The following PTPRD variants were observed in gnomAD, a reference collection of about 807,000 sequenced individuals.
PTPRD encodes the protein protein tyrosine phosphatase receptor type D.
Under a neutral mutation model 214.5 loss-of-function variants are expected in PTPRD, and 34 were observed. The ratio of observed to expected loss-of-function variants is 0.16; its 90% CI spans 0.12 to 0.21. PTPRD has a LOEUF of 0.21. Among genes scored for constraint, PTPRD ranks in the 10% least tolerant of loss-of-function variants. The pLI is 1.00. For missense variants in PTPRD, 2,545 were observed against 2,398.7 expected, an observed-to-expected ratio of 1.06 and a Z score of -1.27; for synonymous variants, 1,128 against 845.7, an observed-to-expected ratio of 1.33 and a Z score of -5.79.
intron 11 of PTPRD, among the ~76,000 whole-genome samples, chr9:8,969,079 A>G (rs901398700): frequency 3.9e-5 from 6 of 152,052 alleles, no homozygotes; most frequent in African/African-American, 1.4e-4. Context: ...AAACAAAAGG[A>G]ACCACTCCTC....
intron 11 of PTPRD, among the ~76,000 whole-genome samples, chr9:8,815,174 A>G (rs1218251506): frequency 1.3e-5 from 2 of 152,074 alleles, no homozygotes; most frequent in African/African-American, 4.8e-5. Flanking sequence ...AAATGTGGAA[A>G]GAAGATATAG....
intron 13 of PTPRD, 80 bp from the exon 14 acceptor site, chr9:8,633,538 A>T: frequency 6.7e-7 from 1 of 1,494,500 alleles, no homozygotes; most frequent in Non-Finnish European, 9.1e-7. Context: ...ACAGTGGTGG[A>T]TCCGCCATTA....
intron 11 of PTPRD, among the ~76,000 whole-genome samples, chr9:8,894,165 C>T (rs2098577575): frequency 6.6e-6 from 1 of 151,836 alleles, no homozygotes; most frequent in South Asian, 2.1e-4. Flanking sequence ...ACTAGCCTGG[C>T]TAATGTGGTA....
At chr9:10,525,337 T>A (rs1043830473) in intron 2 of PTPRD, among the ~76,000 whole-genome samples, 1 of 152,032 alleles carries the variant, frequency 6.6e-6, no homozygotes, top group East Asian at 1.9e-4. Flanking sequence ...GATGCCACAA[T>A]GCAAAGAATG....
At chr9:8,563,929 G>C (rs1211935146) in intron 14 of PTPRD, among the ~76,000 whole-genome samples, 1 of 152,210 alleles carries the variant, frequency 6.6e-6, no homozygotes, top group East Asian at 1.9e-4. Context: ...GCCTCCCAAA[G>C]TGCTGGGATT....
chr9:9,864,551 C>G (rs938478692), intron 5 of PTPRD, among the ~76,000 whole-genome samples: 4 of 152,100 alleles, frequency 2.6e-5, no homozygotes, highest in Non-Finnish European at 4.4e-5. Context: ...CACGGTCTCA[C>G]TCTGTTACCC....
intron 9 of PTPRD, among the ~76,000 whole-genome samples, chr9:9,290,906 AGATTATATCATTAAAT>A (rs1950950322): frequency 6.6e-6 from 1 of 151,450 alleles, no homozygotes; most frequent in African/African-American, 2.4e-5. Flanking sequence ...GCTATCAGTG[AGATTATATCATTAAAT>A]TTTAAAATAT....
intron 14 of PTPRD, among the ~76,000 whole-genome samples, chr9:8,530,106 C>T (rs1057252439): frequency 1.6e-4 from 25 of 152,148 alleles, no homozygotes; most frequent in African/African-American, 6.0e-4. Flanking sequence ...TCCATGAATT[C>T]ACAGTTGATG....
chr9:10,133,282 CAGAA>C (rs1337680523), intron 3 of PTPRD, among the ~76,000 whole-genome samples: 1 of 151,984 alleles, frequency 6.6e-6, no homozygotes, highest in Non-Finnish European at 1.5e-5. Context: ...AAGCAAATGT[CAGAA>C]AGAAAATAAA....
intron 7 of PTPRD, among the ~76,000 whole-genome samples, chr9:9,659,241 C>T (rs1344793873): frequency 1.3e-5 from 2 of 151,984 alleles, no homozygotes; most frequent in African/African-American, 4.8e-5. Context: ...AAAAATTTTA[C>T]ATATGTGTAG....
At chr9:10,182,860 A>G (rs557797249) in intron 3 of PTPRD, among the ~76,000 whole-genome samples, 1 of 152,246 alleles carries the variant, frequency 6.6e-6, no homozygotes, top group South Asian at 2.1e-4. Context: ...TTCCATTCCT[A>G]CAGGCTCTTA....
chr9:10,194,256 C>G (rs2099386892), intron 3 of PTPRD, among the ~76,000 whole-genome samples: 1 of 148,906 alleles, frequency 6.7e-6, no homozygotes, highest in African/African-American at 2.5e-5. Context: ...TAGAAAATAT[C>G]AAATACATTA....
intron 4 of PTPRD, among the ~76,000 whole-genome samples, chr9:9,995,934 A>G (rs1049175944): frequency 1.9e-4 from 29 of 152,096 alleles, no homozygotes; most frequent in African/African-American, 6.3e-4. Context: ...CCCCTTCCCA[A>G]AACAATCCAT....
At chr9:9,834,512 CTG>C (rs2056130382) in intron 5 of PTPRD, among the ~76,000 whole-genome samples, 1 of 152,094 alleles carries the variant, frequency 6.6e-6, no homozygotes, top group Non-Finnish European at 1.5e-5. Context: ...CCAATTCACC[CTG>C]TGTTTATTCT....
intron 14 of PTPRD, among the ~76,000 whole-genome samples, chr9:8,541,509 C>A (rs1255529504): frequency 1.3e-5 from 2 of 152,160 alleles, no homozygotes; most frequent in Non-Finnish European, 2.9e-5. Context: ...GGACCACAAG[C>A]ACATACCACC....
intron 8 of PTPRD, among the ~76,000 whole-genome samples, chr9:9,511,529 G>A (rs992144414): frequency 2.4e-4 from 36 of 151,664 alleles, no homozygotes; most frequent in African/African-American, 8.5e-4. Flanking sequence ...ATCATTCTTT[G>A]AAGATCAAGC....
rs2097968416 is a variant in PTPRD at position 8,524,634 on chromosome 9, CA to C, written c.679+290del. ...GAAAGAAAAAGAAGAAAACCTCAAA[CA>C]AATGCAAAGCACAGTTCAATCAATA... On this transcript the variant is annotated intron_variant, in intron 18 of 45. Transcript: ENST00000381196. The C allele has an allele frequency of 6.7e-6, 3 of 448,742 alleles. 1 individual carries two copies. In the East Asian group the frequency reaches 1.3e-4, roughly 20 times the overall value. The allele number at this position is 448,742 out of a possible 1,614,324, so 27.8% of individuals were successfully genotyped here. A position where few individuals can be genotyped will look rare whatever the true frequency, so the allele number is the denominator to read the frequency against.
At chr9:8,558,329 G>C (rs912836976) in intron 14 of PTPRD, among the ~76,000 whole-genome samples, 18 of 152,156 alleles carry the variant, frequency 1.2e-4, no homozygotes, top group African/African-American at 3.9e-4. Context: ...AACATGAGCT[G>C]AGTCACCTGT....
intron 2 of PTPRD, among the ~76,000 whole-genome samples, chr9:10,553,579 A>G (rs368621756): frequency 5.5e-4 from 83 of 151,698 alleles, no homozygotes; most frequent in South Asian, 5.0e-3. Flanking sequence ...ATAACACAAA[A>G]TCATTTCATA....
Sources: allele counts gnomAD v4.1 joint callset (sites outside exome capture counted in the v4.1 genomes callset), GRCh38; gene constraint gnomAD v4.1.1; transcripts MANE v1.5; gene names NCBI Gene and HGNC (gene_info 2026-07-23, HGNC 2026-07-21).